Variants in GABRB1 observed in about 807,000 individuals in gnomAD.
The protein encoded by GABRB1 is gamma-aminobutyric acid type A receptor subunit beta1, also known as gamma-aminobutyric acid receptor subunit beta-1.
A neutral mutation model predicts 51.6 loss-of-function variants in GABRB1; 17 were observed. The observed-to-expected ratio is 0.33, with a 90% CI of 0.23 to 0.49. GABRB1 has a LOEUF of 0.49. Among genes scored for constraint, GABRB1 ranks in the 20% least tolerant of loss-of-function variants. The pLI, the probability that GABRB1 is intolerant of heterozygous loss-of-function variation, is 0.99. For synonymous variants in GABRB1, 247 were observed against 218.9 expected, an observed-to-expected ratio of 1.13 and a Z score of -1.14; for missense variants, 410 against 600.6, an observed-to-expected ratio of 0.68 and a Z score of 3.32.
At chr4:47,244,112 G>A (rs566613903) in intron 4 of GABRB1, among the ~76,000 whole-genome samples, 4 of 152,162 alleles carry the variant, frequency 2.6e-5, no homozygotes, top group Middle Eastern at 3.4e-3. Flanking sequence ...GAATTTTGTC[G>A]AAGGCCTTTT....
intron 4 of GABRB1, among the ~76,000 whole-genome samples, chr4:47,164,740 A>G (rs1036279975): frequency 6.6e-6 from 1 of 152,106 alleles, no homozygotes; most frequent in Admixed American, 6.6e-5. Flanking sequence ...TCAGTTGTCT[A>G]TTTTTGTGAA....
intron 4 of GABRB1, among the ~76,000 whole-genome samples, chr4:47,295,538 C>T (rs375369089): frequency 1.7e-4 from 26 of 151,828 alleles, no homozygotes; most frequent in South Asian, 1.0e-3. Context: ...TGAAATGAAG[C>T]GAGAAGGGAA....
intron 4 of GABRB1, among the ~76,000 whole-genome samples, chr4:47,269,490 T>C (rs1257231856): frequency 6.6e-6 from 1 of 152,156 alleles, no homozygotes; most frequent in Admixed American, 6.6e-5. Context: ...CAGTGATAGA[T>C]GGCTCCAGTG....
chr4:46,997,515 T>G (rs1724037847), intron 1 of GABRB1, among the ~76,000 whole-genome samples: 1 of 151,828 alleles, frequency 6.6e-6, no homozygotes. Flanking sequence ...CTACCATCCC[T>G]CCTTTGGTAA....
chr4:47,151,292 A>G (rs13125961), intron 3 of GABRB1, among the ~76,000 whole-genome samples: 103,870 of 151,736 alleles, frequency 0.68, 36,222 homozygotes, highest in Middle Eastern at 0.84. Context: ...TTCTCCTCCA[A>G]CAAAACAGTA....
intron 4 of GABRB1, among the ~76,000 whole-genome samples, chr4:47,260,069 C>A (rs997823444): frequency 6.6e-6 from 1 of 152,108 alleles, no homozygotes; most frequent in Non-Finnish European, 1.5e-5. Flanking sequence ...GATCCCTTTA[C>A]CATTATGCAA....
chr4:47,183,826 A>G (rs1340011155), intron 4 of GABRB1, among the ~76,000 whole-genome samples: 3 of 151,816 alleles, frequency 2.0e-5, no homozygotes, highest in South Asian at 2.1e-4. Context: ...ATTCAAATAG[A>G]TAATACCATA....
At chr4:47,288,178 G>A (rs1383776881) in intron 4 of GABRB1, among the ~76,000 whole-genome samples, 1 of 151,988 alleles carries the variant, frequency 6.6e-6, no homozygotes, top group Non-Finnish European at 1.5e-5. Context: ...CAGAACACTG[G>A]TGTAGTATGT....
At chr4:47,417,939 G>A (rs1728981354) in intron 8 of GABRB1, among the ~76,000 whole-genome samples, 1 of 152,176 alleles carries the variant, frequency 6.6e-6, no homozygotes. Flanking sequence ...TCAGTGAGTG[G>A]CAACATTTTT....
At chr4:47,192,199 G>A (rs1023382016) in intron 4 of GABRB1, among the ~76,000 whole-genome samples, 10 of 151,666 alleles carry the variant, frequency 6.6e-5, no homozygotes, top group African/African-American at 1.7e-4. Context: ...TGTCTTTAAC[G>A]CTTACTTTAC....
chr4:47,403,193 C>A, intron 5 of GABRB1, 125 bp from the exon 6 acceptor site: 2 of 942,944 alleles, frequency 2.1e-6, no homozygotes, highest in Non-Finnish European at 1.6e-6. Context: ...GACCTGCATA[C>A]CACCCTAGTT....
chr4:47,354,886 C>T (rs1297353539), intron 5 of GABRB1, among the ~76,000 whole-genome samples: 1 of 130,774 alleles, frequency 7.6e-6, no homozygotes, highest in Non-Finnish European at 1.7e-5. Flanking sequence ...TGACCCCCTG[C>T]TTTTGAAGGC....
chr4:47,315,478 C>T (rs1373016921), intron 4 of GABRB1, among the ~76,000 whole-genome samples: 1 of 151,924 alleles, frequency 6.6e-6, no homozygotes, highest in Admixed American at 6.6e-5. Context: ...TTGGTGATTT[C>T]TCAAAGAACT....
chr4:47,253,951 T>C (rs982423903), intron 4 of GABRB1, among the ~76,000 whole-genome samples: 1 of 152,208 alleles, frequency 6.6e-6, no homozygotes, highest in Admixed American at 6.5e-5. Flanking sequence ...ATAAAATGGA[T>C]AACATCTCTT....
At chr4:47,067,315 A>T (rs917396684) in intron 3 of GABRB1, among the ~76,000 whole-genome samples, 2 of 152,186 alleles carry the variant, frequency 1.3e-5, no homozygotes, top group South Asian at 4.1e-4. Context: ...CTTCAACTTA[A>T]AGTCACCAGC....
chr4:47,099,571 C>T (rs1352801200), intron 3 of GABRB1, among the ~76,000 whole-genome samples: 1 of 152,024 alleles, frequency 6.6e-6, no homozygotes, highest in African/African-American at 2.4e-5. Flanking sequence ...ATGTTAATAA[C>T]CATTTTTGAG....
intron 5 of GABRB1, among the ~76,000 whole-genome samples, chr4:47,387,858 G>A (rs1010242379): frequency 6.6e-6 from 1 of 152,138 alleles, no homozygotes; most frequent in Non-Finnish European, 1.5e-5. Context: ...AGAAATTACA[G>A]GTAGACAGCC....
At chr4:47,146,157 A>AT (rs1259879513) in intron 3 of GABRB1, among the ~76,000 whole-genome samples, 1 of 151,980 alleles carries the variant, frequency 6.6e-6, no homozygotes, top group Non-Finnish European at 1.5e-5. Context: ...CTGAGCTGGG[A>AT]TTCAATTTTC....
intron 4 of GABRB1, among the ~76,000 whole-genome samples, chr4:47,303,390 A>C (rs200690246): frequency 0.057 from 8,586 of 150,110 alleles, 406 homozygotes; most frequent in East Asian, 0.27. Context: ...CTCTCTCTAT[A>C]TATATATATA....
Sources: gnomAD v4.1 joint callset for allele counts (sites outside exome capture counted in the v4.1 genomes callset) on GRCh38, gnomAD v4.1.1 for gene constraint, MANE v1.5 for transcripts, NCBI Gene and HGNC (gene_info 2026-07-23, HGNC 2026-07-21) for gene names.